RASSF3: variants seen among roughly 807,000 people sequenced by gnomAD.
RASSF3 encodes the protein Ras association domain family member 3, also known as ras association domain-containing protein 3.
A neutral mutation model predicts 19.9 loss-of-function variants in RASSF3; 19 were observed. The observed-to-expected ratio is 0.96, with a 90% confidence interval of 0.67 to 1.40. The LOEUF is 1.40. RASSF3 is among the 40% of genes most tolerant of loss of function. RASSF3 has a pLI of 0.00. For missense variants in RASSF3, 306 were observed against 289.8 expected (o/e 1.06, Z -0.41); for synonymous variants, 110 against 104.2 (o/e 1.06, Z -0.34).
At chr12:64,680,674 C>T (rs975535049) in intron 1 of RASSF3, among the ~76,000 whole-genome samples, 3 of 151,872 alleles carry the variant, frequency 2.0e-5, no homozygotes, top group East Asian at 1.9e-4. Context: ...AGTGCAATGG[C>T]GTGATCTCGG....
At chr12:64,551,934 C>T (rs557784132) in intron 2 of RASSF3, among the ~76,000 whole-genome samples, 3 of 152,094 alleles carry the variant, frequency 2.0e-5, no homozygotes, top group East Asian at 1.9e-4. Flanking sequence ...AAATAGATTA[C>T]GAGATGTGCA....
At chr12:64,556,013 C>T (rs576687463) in intron 2 of RASSF3, among the ~76,000 whole-genome samples, 3 of 152,252 alleles carry the variant, frequency 2.0e-5, no homozygotes, top group South Asian at 4.2e-4. Flanking sequence ...AGAGATTTAC[C>T]GTGGGAATGT....
intron 2 of RASSF3, among the ~76,000 whole-genome samples, chr12:64,574,467 CT>C (rs1158527016): frequency 2.0e-5 from 3 of 152,032 alleles, no homozygotes; most frequent in Non-Finnish European, 4.4e-5. Flanking sequence ...TGTTTCACAC[CT>C]TTTGCTATAT....
At chr12:64,525,168 C>A (rs1031070998) in intron 1 of RASSF3, among the ~76,000 whole-genome samples, 3 of 152,056 alleles carry the variant, frequency 2.0e-5, no homozygotes, top group Non-Finnish European at 4.4e-5. Flanking sequence ...CCCAGCTACT[C>A]GGGAGGCTGA....
In RASSF3 at chr12:64,610,700, T is replaced by A; in HGVS notation, c.68T>A (p.Phe23Tyr). The A allele has an allele frequency of 6.3e-7, 1 of 1,595,222 alleles. No individual in the cohort carries two copies. The highest frequency in any genetic ancestry group is 1.1e-5 in the South Asian group (1 of 89,262). ...TTCTTCTTCACCGCCAGGACCTCCTTCTTCAGGAGAGCGCCCCAGGGCAAG... is the reference window on the plus strand; with the variant it reads ...TTCTTCTTCACCGCCAGGACCTCCTACTTCAGGAGAGCGCCCCAGGGCAAG... ...EDFFFTARTSFFRRAPQGKPR... is the reference protein window; with the variant it reads ...EDFFFTARTSYFRRAPQGKPR... The change falls in exon 1 of 5, where the codon TTC (phenylalanine) becomes TAC (tyrosine). Residue 23 changes from phenylalanine (F) to tyrosine (Y), a missense_variant. Phe to Tyr is a conservative substitution (Grantham distance 22, BLOSUM62 3). Coordinates refer to ENST00000542104, the MANE Select transcript of RASSF3 (RefSeq NM_178169.4).
chr12:64,688,285 C>G lies in RASSF3; in HGVS notation c.289C>G (p.Pro97Ala). 6.2e-7 allele frequency: 1 copy of G among 1,614,120 alleles called. No homozygotes were observed. The highest frequency in any genetic ancestry group is 8.5e-7 in the Non-Finnish European group (1 of 1,179,996). ...ACTCTGCAAACCTCCACAGACTTCT[C>G]CAAATTCTGGAAAACTCTCTCCCAG... Reference protein sequence around the residue: ...MELCKPPQTSPNSGKLSPSSN... With the variant: ...MELCKPPQTSANSGKLSPSSN... Residue 97 changes from proline (P) to alanine (A), a missense_variant, in exon 3 of 5, where the codon CCA becomes GCA. By Grantham distance (27) the Pro-to-Ala change is conservative (BLOSUM62 -1). Coordinates refer to ENST00000542104, the MANE Select transcript of RASSF3 (RefSeq NM_178169.4).
intron 2 of RASSF3, among the ~76,000 whole-genome samples, chr12:64,547,227 A>G (rs1411251501): frequency 6.7e-6 from 1 of 149,596 alleles, no homozygotes; most frequent in Non-Finnish European, 1.5e-5. Flanking sequence ...AGCCGAGATC[A>G]CACCAGTGTA....
chr12:64,578,585 A>C (rs531429387), intron 2 of RASSF3, among the ~76,000 whole-genome samples: 2 of 152,266 alleles, frequency 1.3e-5, no homozygotes, highest in African/African-American at 4.8e-5. Flanking sequence ...CTTGAGGCCA[A>C]GAGTTTGAGA....
chr12:64,572,111 T>TTGTGTG (rs71278247), intron 2 of RASSF3, among the ~76,000 whole-genome samples: 1 of 151,022 alleles, frequency 6.6e-6, no homozygotes, highest in Non-Finnish European at 1.5e-5. Context: ...AATTGTAGAC[T>TTGTGTG]TGTGTGTGTG....
intron 2 of RASSF3, among the ~76,000 whole-genome samples, chr12:64,562,201 C>T (rs1278965805): frequency 1.3e-5 from 2 of 151,726 alleles, no homozygotes; most frequent in South Asian, 2.1e-4. Context: ...CCACCGCACC[C>T]AGCTAATTTT....
At chr12:64,524,650 C>G (rs1361140027) in intron 1 of RASSF3, among the ~76,000 whole-genome samples, 1 of 152,124 alleles carries the variant, frequency 6.6e-6, no homozygotes, top group Non-Finnish European at 1.5e-5. Flanking sequence ...CAGTTGAGAA[C>G]CACTGACTTT....
intron 2 of RASSF3, among the ~76,000 whole-genome samples, chr12:64,558,854 G>A (rs1869298418): frequency 6.6e-6 from 1 of 152,154 alleles, no homozygotes; most frequent in African/African-American, 2.4e-5. Flanking sequence ...TCTGACTGGA[G>A]TGATCTCCCT....
chr12:64,696,121 C>CCCTCCCTCCCTCACTG lies in RASSF3; in HGVS notation c.*1210_*1211insCTCCCTCCCTCACTGC, dbSNP rs1868359471. ...TCCCTCCCTCCCTCCCTCCCTCCCT[C>CCCTCCCTCCCTCACTG]CTTCCCTCCCTCTCTCTCCCTCTCC... On this transcript the variant is annotated 3_prime_UTR_variant, in exon 5 of 5. Coordinates refer to ENST00000542104, the MANE Select transcript of RASSF3 (RefSeq NM_178169.4). 7.6e-6 allele frequency: 1 copy of CCCTCCCTCCCTCACTG among 132,142 alleles called. No homozygotes were observed. Among genetic ancestry groups the CCCTCCCTCCCTCACTG allele is most frequent in the Non-Finnish European group, 1.6e-5 (1 of 62,410 alleles). 8.2% of individuals were successfully genotyped at this position (132,142 alleles called of 1,614,324 possible).
At chr12:64,641,414 A>ACACACACACACGCGCGCGCG in intron 1 of RASSF3, among the ~76,000 whole-genome samples, 9 of 142,100 alleles carry the variant, frequency 6.3e-5, no homozygotes, top group African/African-American at 2.5e-4. Flanking sequence ...ACACACACAC[A>ACACACACACACGCGCGCGCG]CGCGCGCGCG....
intron 1 of RASSF3, among the ~76,000 whole-genome samples, chr12:64,678,215 G>A (rs1279051943): frequency 1.3e-5 from 2 of 152,228 alleles, no homozygotes. Flanking sequence ...GGTGCTTGAT[G>A]TTTTGCTCTA....
chr12:64,531,125 A>G (rs1241567632), upstream of RASSF3, among the ~76,000 whole-genome samples: 1 of 152,122 alleles, frequency 6.6e-6, no homozygotes, highest in East Asian at 1.9e-4. Context: ...CCCTAACCCA[A>G]AGTCACAATG....
intron 1 of RASSF3, among the ~76,000 whole-genome samples, chr12:64,623,993 A>G (rs1463383901): frequency 6.6e-6 from 1 of 151,806 alleles, no homozygotes; most frequent in African/African-American, 2.4e-5. Context: ...CTCTGACCAG[A>G]TTTGGTCACG....
intron 1 of RASSF3, among the ~76,000 whole-genome samples, chr12:64,628,742 C>T (rs1346966822): frequency 6.6e-6 from 1 of 152,130 alleles, no homozygotes; most frequent in Non-Finnish European, 1.5e-5. Context: ...GGTGATCTGC[C>T]TGCCTTGGCC....
At chr12:64,545,381 G>T (rs1358735791), downstream of RASSF3, among the ~76,000 whole-genome samples, 3 of 152,154 alleles carry the variant, frequency 2.0e-5, no homozygotes, top group African/African-American at 7.2e-5. Context: ...TTCTTATATT[G>T]ATTTTGAAAA....
Sources: allele counts gnomAD v4.1 joint callset (sites outside exome capture counted in the v4.1 genomes callset), GRCh38; gene constraint gnomAD v4.1.1; transcripts MANE v1.5; gene names NCBI Gene and HGNC (gene_info 2026-07-23, HGNC 2026-07-21).